The following NUMB variants were observed in gnomAD, a reference collection of about 807,000 sequenced individuals.
NUMB encodes the protein protein numb homolog.
NUMB carries 29 observed loss-of-function variants against 59.7 expected under a neutral mutation model. That is an observed-to-expected ratio of 0.49 (90% confidence interval 0.36 to 0.66). NUMB has a LOEUF of 0.66. Among genes scored for constraint, NUMB ranks in the 30% least tolerant of loss-of-function variants. NUMB has a pLI of 0.00. For missense variants in NUMB, 723 were observed against 822.0 expected, an observed-to-expected ratio of 0.88 and a Z score of 1.47; for synonymous variants, 288 against 288.2, an observed-to-expected ratio of 1.00 and a Z score of 0.01.
chr14:73,347,460 C>T, intron 4 of NUMB, among the ~76,000 whole-genome samples: 1 of 146,576 alleles, frequency 6.8e-6, no homozygotes, highest in Non-Finnish European at 1.6e-5. Flanking sequence ...TCCACCACTC[C>T]CCCATCCTTA....
intron 3 of NUMB, among the ~76,000 whole-genome samples, chr14:73,362,453 G>C (rs1894142360): frequency 6.6e-6 from 1 of 152,078 alleles, no homozygotes. Flanking sequence ...ATCTAATTTT[G>C]TTCCTTTGAG....
At chr14:73,317,983 C>T (rs974020406) in intron 5 of NUMB, among the ~76,000 whole-genome samples, 1 of 152,196 alleles carries the variant, frequency 6.6e-6, no homozygotes, top group Non-Finnish European at 1.5e-5. Context: ...CCCCTCTAAG[C>T]TTTGAAAATC....
chr14:73,286,026 ATTTG>A (rs967495717), intron 9 of NUMB, among the ~76,000 whole-genome samples: 14 of 151,114 alleles, frequency 9.3e-5, no homozygotes, highest in Non-Finnish European at 1.8e-4. Context: ...ATATATATAT[ATTTG>A]TTTGTTTTTA....
intron 2 of NUMB, among the ~76,000 whole-genome samples, chr14:73,386,367 T>G (rs996998169): frequency 6.6e-6 from 1 of 152,190 alleles, no homozygotes. Context: ...TCGCAGCACT[T>G]CAATATCCTT....
intron 1 of NUMB, among the ~76,000 whole-genome samples, chr14:73,443,950 C>A (rs940343597): frequency 6.7e-6 from 1 of 149,814 alleles, no homozygotes; most frequent in South Asian, 2.1e-4. Context: ...TCTGTCCCCC[C>A]ACGCAGGAGT....
intron 4 of NUMB, among the ~76,000 whole-genome samples, chr14:73,353,069 C>CTT (rs1566756859): frequency 3.9e-4 from 7 of 18,074 alleles, no homozygotes; most frequent in African/African-American, 9.2e-4. Flanking sequence ...CACAGTTTTT[C>CTT]TTGTTTTTTT....
intron 5 of NUMB, among the ~76,000 whole-genome samples, chr14:73,320,603 G>T (rs1271933580): frequency 9.9e-5 from 15 of 152,016 alleles, no homozygotes. Context: ...AACAGTTTTG[G>T]TAAACTTAAA....
At position 73,358,606 on chromosome 14, in the gene NUMB, T is replaced by C. The variant is rs934544666; in HGVS notation, c.-15-2840A>G. Among the ~76,000 whole-genome samples, 696 of 77,358 alleles carry C rather than the reference T, an allele frequency of 9.0e-3. 3 individuals are homozygous for C. The highest frequency in any genetic ancestry group is 0.013 in the Non-Finnish European group (537 of 42,232). 50.7% of individuals were successfully genotyped at this position (77,358 alleles called of 152,430 possible). A position where few individuals can be genotyped will look rare whatever the true frequency, so the allele number is the denominator to read the frequency against. On this transcript the variant is annotated intron_variant, in intron 3 of 12. Coordinates refer to ENST00000555238, the MANE Select transcript of NUMB (RefSeq NM_001005743.2). ...AACCTCTTCAGGAAAGCTAGACTTT[T>C]TTTTTTTTTTTTTTTTTTTGACAAG...
At chr14:73,443,477 C>A (rs1883223900) in intron 1 of NUMB, among the ~76,000 whole-genome samples, 1 of 151,834 alleles carries the variant, frequency 6.6e-6, no homozygotes, top group Admixed American at 6.6e-5. Context: ...CGCCTGTAAT[C>A]CCAGCTAATC....
In NUMB at chr14:73,284,376, T is replaced by C. The variant is rs2139809576; in HGVS notation, c.656-2A>G. The C allele has an allele frequency of 6.2e-7, 1 of 1,606,788 alleles. No individual in the cohort carries two copies. Among genetic ancestry groups the C allele is most frequent in the South Asian group, 1.1e-5 (1 of 90,508 alleles). ...CAACGACTATCTTATCTGTTTCAGC[T>C]CAAGAAAATAAAGAGAATGAAGACC... is the stretch of plus-strand genomic sequence containing the variant. On this transcript the variant is annotated splice_acceptor_variant, in intron 9 of 12. Coordinates refer to ENST00000555238, the MANE Select transcript of NUMB (RefSeq NM_001005743.2). LOFTEE classifies it high-confidence loss of function.
At chr14:73,303,952 T>G (rs17182314) in intron 6 of NUMB, among the ~76,000 whole-genome samples, 11,022 of 152,270 alleles carry the variant, frequency 0.072, 529 homozygotes, top group Admixed American at 0.13. Context: ...GCTTAGTATT[T>G]TAAAATTATT....
chr14:73,349,837 C>T (rs1192111595), intron 4 of NUMB, among the ~76,000 whole-genome samples: 1 of 151,760 alleles, frequency 6.6e-6, no homozygotes, highest in African/African-American at 2.4e-5. Context: ...CAAGATCGCG[C>T]CACTGCACTC....
intron 7 of NUMB, among the ~76,000 whole-genome samples, chr14:73,294,651 G>A (rs1357558826): frequency 6.6e-6 from 1 of 151,188 alleles, no homozygotes; most frequent in Non-Finnish European, 1.5e-5. Flanking sequence ...CCAAGTAGCT[G>A]GAACCATAGG....
At chr14:73,371,629 T>C (rs1894676679) in intron 2 of NUMB, among the ~76,000 whole-genome samples, 1 of 151,580 alleles carries the variant, frequency 6.6e-6, no homozygotes. Flanking sequence ...CTTGAATAGG[T>C]CCCCCCCAAA....
intron 7 of NUMB, among the ~76,000 whole-genome samples, chr14:73,297,003 A>G (rs1210687053): frequency 1.3e-5 from 2 of 152,226 alleles, no homozygotes; most frequent in Non-Finnish European, 2.9e-5. Flanking sequence ...CCCCATTTCT[A>G]CTAAAAATAC....
At chr14:73,434,384 G>A in intron 1 of NUMB, among the ~76,000 whole-genome samples, 1 of 152,176 alleles carries the variant, frequency 6.6e-6, no homozygotes, top group South Asian at 2.1e-4. Context: ...GTTAGTGCAT[G>A]TAAAGCACTT....
chr14:73,352,469 CACACACACATATATATAT>C (rs1893387547), intron 4 of NUMB, among the ~76,000 whole-genome samples: 1 of 24,652 alleles, frequency 4.1e-5, no homozygotes, highest in African/African-American at 1.5e-4. Context: ...TACACACACA[CACACACACATATATATAT>C]ATATATATAT....
At chr14:73,279,785 C>T (rs1888486218) in intron 11 of NUMB, among the ~76,000 whole-genome samples, 1 of 152,224 alleles carries the variant, frequency 6.6e-6, no homozygotes, top group Non-Finnish European at 1.5e-5. Flanking sequence ...ATAGCTTAGC[C>T]TTCGGCATAA....
intron 2 of NUMB, among the ~76,000 whole-genome samples, chr14:73,403,739 TG>T (rs1896524575): frequency 6.6e-6 from 1 of 151,918 alleles, no homozygotes; most frequent in Non-Finnish European, 1.5e-5. Flanking sequence ...GCAAATCACT[TG>T]AGGCCAGGAG....
Sources: gnomAD v4.1 joint callset for allele counts (sites outside exome capture counted in the v4.1 genomes callset) on GRCh38, gnomAD v4.1.1 for gene constraint, MANE v1.5 for transcripts, NCBI Gene and HGNC (gene_info 2026-07-23, HGNC 2026-07-21) for gene names.